DLC1: variants seen among roughly 807,000 people sequenced by gnomAD.
DLC1 encodes the protein rho GTPase-activating protein 7.
In DLC1, 54 loss-of-function variants were observed where a neutral mutation model predicts 140.3. That is an observed-to-expected ratio of 0.38 (90% CI 0.31 to 0.48). The LOEUF (loss-of-function observed/expected upper bound fraction) is 0.48, where lower values mean the gene tolerates loss of function less well. Among genes scored for constraint, DLC1 ranks in the 20% least tolerant of loss-of-function variants. The probability of loss-of-function intolerance (pLI) is 0.96; values close to 1 mark genes in which losing one functional copy is unlikely to be tolerated. For missense variants in DLC1, 2,536 were observed against 1,907.0 expected (o/e 1.33, Z -6.14); for synonymous variants, 986 against 728.1 (o/e 1.35, Z -5.70).
At chr8:13,202,921 G>T (rs1004294699) in intron 5 of DLC1, among the ~76,000 whole-genome samples, 2 of 151,992 alleles carry the variant, frequency 1.3e-5, no homozygotes, top group Non-Finnish European at 2.9e-5. Context: ...TAATCCACCC[G>T]CCTCAGCCTC....
intron 5 of DLC1, among the ~76,000 whole-genome samples, chr8:13,199,978 A>T (rs1168619762): frequency 6.6e-6 from 1 of 152,212 alleles, no homozygotes; most frequent in African/African-American, 2.4e-5. Context: ...TATGCTAGGC[A>T]ATGTTCTGAA....
intron 4 of DLC1, among the ~76,000 whole-genome samples, chr8:13,333,334 TC>T (rs1423923164): frequency 3.3e-5 from 5 of 152,188 alleles, no homozygotes; most frequent in African/African-American, 2.4e-5. Context: ...CAAGCCATCC[TC>T]CCACCTCAGC....
chr8:13,235,013 G>T (rs895356468), intron 5 of DLC1, among the ~76,000 whole-genome samples: 1 of 152,002 alleles, frequency 6.6e-6, no homozygotes, highest in Admixed American at 6.6e-5. Flanking sequence ...TGTTAAATTT[G>T]TTACTATTTT....
At chr8:13,523,448 G>A (rs1802819090) in intron 1 of DLC1, among the ~76,000 whole-genome samples, 1 of 152,188 alleles carries the variant, frequency 6.6e-6, no homozygotes, top group African/African-American at 2.4e-5. Flanking sequence ...CTGTGTTTGA[G>A]ATGTCTATTA....
At chr8:13,357,832 A>G (rs2117060857) in intron 4 of DLC1, among the ~76,000 whole-genome samples, 1 of 152,338 alleles carries the variant, frequency 6.6e-6, no homozygotes, top group East Asian at 1.9e-4. Context: ...AGAATTACTA[A>G]CATATTAGAA....
At chr8:13,594,316 C>A (rs1467725925) in intron 1 of DLC1, among the ~76,000 whole-genome samples, 1 of 152,046 alleles carries the variant, frequency 6.6e-6, no homozygotes, top group Admixed American at 6.6e-5. Context: ...ACTGACAGAC[C>A]TTTCAATGCA....
At chr8:13,286,511 T>A (rs761360192) in intron 5 of DLC1, among the ~76,000 whole-genome samples, 1 of 152,146 alleles carries the variant, frequency 6.6e-6, no homozygotes, top group African/African-American at 2.4e-5. Context: ...ACATGTCAAC[T>A]CAATAATGAT....
chr8:13,218,661 G>A (rs955257073), intron 5 of DLC1, among the ~76,000 whole-genome samples: 5 of 150,850 alleles, frequency 3.3e-5, no homozygotes, highest in Non-Finnish European at 5.9e-5. Flanking sequence ...ACTGGTTCAC[G>A]CATTGCTAAT....
In DLC1 at chr8:13,289,709, G is replaced by A. The variant is rs1353377724; in HGVS notation, c.1348+15560C>T. ...GTGAATAAAATTTAGCCCTGGGGAGGAGAAGGGGGTATACAACGCTAGAGA... is the reference window on the plus strand; with the variant it reads ...GTGAATAAAATTTAGCCCTGGGGAGAAGAAGGGGGTATACAACGCTAGAGA... On this transcript the variant is annotated intron_variant, in intron 5 of 17. Coordinates refer to ENST00000276297, the MANE Select transcript of DLC1 (RefSeq NM_182643.3). Among the ~76,000 whole-genome samples, 3 of 152,182 alleles carry A rather than the reference G, an allele frequency of 2.0e-5. No individual in the cohort carries two copies. The East Asian group carries it at 5.8e-4, about 29-fold the overall frequency.
chr8:13,362,847 G>C (rs764770906), intron 4 of DLC1, among the ~76,000 whole-genome samples: 1 of 151,898 alleles, frequency 6.6e-6, no homozygotes, highest in Non-Finnish European at 1.5e-5. Flanking sequence ...GTTTTGTTTT[G>C]TTTTTTTCCA....
intron 5 of DLC1, among the ~76,000 whole-genome samples, chr8:13,193,047 C>A (rs1563153476): frequency 1.3e-5 from 2 of 152,174 alleles, no homozygotes; most frequent in Admixed American, 6.5e-5. Context: ...GTTCCCTTGT[C>A]CCAAACCATC....
intron 4 of DLC1, among the ~76,000 whole-genome samples, chr8:13,335,686 C>G (rs1304278894): frequency 6.6e-6 from 1 of 152,148 alleles, no homozygotes; most frequent in Non-Finnish European, 1.5e-5. Context: ...ATGTATATTA[C>G]ATATTATGCC....
intron 2 of DLC1, among the ~76,000 whole-genome samples, chr8:13,414,831 G>T (rs1215562599): frequency 6.6e-6 from 1 of 152,034 alleles, no homozygotes; most frequent in African/African-American, 2.4e-5. Context: ...GGGGGGCAGG[G>T]ACAGAGTCTT....
chr8:13,346,424 C>T (rs897101754), intron 4 of DLC1, among the ~76,000 whole-genome samples: 6 of 152,160 alleles, frequency 3.9e-5, no homozygotes, highest in South Asian at 4.1e-4. Flanking sequence ...AGTTGTCGTC[C>T]GAATGTTCAC....
At chr8:13,260,224 A>G (rs10503444) in intron 5 of DLC1, among the ~76,000 whole-genome samples, 19,662 of 152,222 alleles carry the variant, frequency 0.13, 1,314 homozygotes, top group South Asian at 0.24. Flanking sequence ...AAAAACAGTG[A>G]AACAGTGAAG....
At chr8:13,324,880 G>A (rs1278862600) in intron 4 of DLC1, among the ~76,000 whole-genome samples, 2 of 152,126 alleles carry the variant, frequency 1.3e-5, no homozygotes, top group South Asian at 4.2e-4. Flanking sequence ...TGTATTTCTA[G>A]GGTGACTATT....
chr8:13,420,852 C>G (rs1358734866), intron 2 of DLC1, among the ~76,000 whole-genome samples: 2 of 152,064 alleles, frequency 1.3e-5, no homozygotes, highest in Non-Finnish European at 2.9e-5. Flanking sequence ...ACAGACTAAC[C>G]TGCTTAATTT....
intron 1 of DLC1, among the ~76,000 whole-genome samples, chr8:13,576,382 G>T (rs547919143): frequency 2.2e-4 from 33 of 152,180 alleles, no homozygotes; most frequent in African/African-American, 7.9e-4. Context: ...AGAGTTCTTT[G>T]GTTGAGAGGA....
chr8:13,592,245 C>T (rs758259577), intron 1 of DLC1, among the ~76,000 whole-genome samples: 6 of 152,072 alleles, frequency 3.9e-5, no homozygotes, highest in Non-Finnish European at 8.8e-5. Context: ...ATTCTGCCTC[C>T]TTCCCTTACA....
Sources: gnomAD v4.1 joint callset for allele counts (sites outside exome capture counted in the v4.1 genomes callset) on GRCh38, gnomAD v4.1.1 for gene constraint, MANE v1.5 for transcripts, NCBI Gene and HGNC (gene_info 2026-07-23, HGNC 2026-07-21) for gene names.